CARMIL1: variants seen among roughly 807,000 people sequenced by gnomAD.
The protein encoded by CARMIL1 is capping protein regulator and myosin 1 linker 1, also known as F-actin-uncapping protein LRRC16A.
In CARMIL1, 90 loss-of-function variants were observed where a neutral mutation model predicts 177.1. The observed-to-expected ratio is 0.51, with a 90% CI of 0.43 to 0.61. The LOEUF is 0.61. Ranked by LOEUF, CARMIL1 falls within the 20% of genes least tolerant of loss-of-function variation. The pLI, the probability that CARMIL1 is intolerant of heterozygous loss-of-function variation, is 0.00. For synonymous variants in CARMIL1, 577 were observed against 606.2 expected, an observed-to-expected ratio of 0.95 and a Z score of 0.71; for missense variants, 1,380 against 1,667.0, an observed-to-expected ratio of 0.83 and a Z score of 3.00.
intron 17 of CARMIL1, among the ~76,000 whole-genome samples, chr6:25,506,429 C>T (rs761820413): frequency 6.6e-6 from 1 of 152,136 alleles, no homozygotes; most frequent in Non-Finnish European, 1.5e-5. Context: ...GCCTGTAATC[C>T]CAGCTACTTG....
At chr6:25,376,010 A>T (rs1169594063) in intron 2 of CARMIL1, among the ~76,000 whole-genome samples, 1 of 152,094 alleles carries the variant, frequency 6.6e-6, no homozygotes, top group Non-Finnish European at 1.5e-5. Flanking sequence ...CTTGGTTTGG[A>T]TCCATTGCAG....
At chr6:25,435,872 T>C (rs1797179815) in intron 5 of CARMIL1, among the ~76,000 whole-genome samples, 2 of 152,160 alleles carry the variant, frequency 1.3e-5, no homozygotes, top group Non-Finnish European at 2.9e-5. Flanking sequence ...ACAGTAACCT[T>C]TTTAATATAA....
chr6:25,503,317 G>A (rs1374145265), intron 17 of CARMIL1, among the ~76,000 whole-genome samples: 11 of 152,168 alleles, frequency 7.2e-5, no homozygotes, highest in Admixed American at 7.2e-4. Context: ...CACATGTTAT[G>A]TTGATGCATG....
At chr6:25,537,580 G>A (rs902114509) in intron 24 of CARMIL1, among the ~76,000 whole-genome samples, 7 of 152,276 alleles carry the variant, frequency 4.6e-5, no homozygotes, top group South Asian at 2.1e-4. Context: ...TTTGTTCTAC[G>A]TGCTGCATTT....
chr6:25,350,068 G>A (rs1787967202), intron 2 of CARMIL1, among the ~76,000 whole-genome samples: 1 of 152,070 alleles, frequency 6.6e-6, no homozygotes, highest in South Asian at 2.1e-4. Flanking sequence ...TGCCTCGGGG[G>A]ACCAGCACAG....
intron 2 of CARMIL1, among the ~76,000 whole-genome samples, chr6:25,419,879 A>G (rs1193526681): frequency 1.3e-5 from 2 of 152,144 alleles, no homozygotes; most frequent in Non-Finnish European, 2.9e-5. Context: ...CAGATTTCTC[A>G]TCTTGAGATT....
rs141899606 is a variant in CARMIL1 at position 25,420,782 on chromosome 6, T to C, written c.189+618T>C. On this transcript the variant is annotated intron_variant, in intron 3 of 36. Coordinates refer to ENST00000329474, the MANE Select transcript of CARMIL1 (RefSeq NM_017640.6). ...TCATTACTTGGTGCAGAATTCGAACTGATCGTTTGTGGATTAATCATAATA... is the reference window on the plus strand; with the variant it reads ...TCATTACTTGGTGCAGAATTCGAACCGATCGTTTGTGGATTAATCATAATA... Among the ~76,000 whole-genome samples, 478 of 152,354 alleles carry C rather than the reference T, an allele frequency of 3.1e-3. 2 individuals carry two copies. The highest frequency in any genetic ancestry group is 0.01 in the African/African-American group (425 of 41,590).
At chr6:25,513,055 A>T (rs1805613437) in intron 20 of CARMIL1, among the ~76,000 whole-genome samples, 2 of 152,198 alleles carry the variant, frequency 1.3e-5, no homozygotes, top group Admixed American at 1.3e-4. Context: ...TCTGCCTATT[A>T]TTTTTAAGTA....
At chr6:25,351,954 A>G (rs965699455) in intron 2 of CARMIL1, among the ~76,000 whole-genome samples, 1 of 152,130 alleles carries the variant, frequency 6.6e-6, no homozygotes, top group African/African-American at 2.4e-5. Flanking sequence ...GTGGTGTGAT[A>G]CTGGGTCTAT....
At chr6:25,506,342 T>G (rs2151035668) in intron 17 of CARMIL1, among the ~76,000 whole-genome samples, 1 of 152,146 alleles carries the variant, frequency 6.6e-6, no homozygotes, top group East Asian at 1.9e-4. Flanking sequence ...AGGTCAGGAG[T>G]TCAGGACCAG....
chr6:25,418,925 G>A (rs1055879124), intron 2 of CARMIL1, among the ~76,000 whole-genome samples: 2 of 152,154 alleles, frequency 1.3e-5, no homozygotes, highest in Non-Finnish European at 1.5e-5. Context: ...CTCATAAATA[G>A]TTCTGGCTTG....
At chr6:25,459,266 C>CTTTCTTTCTTTCTTTCTTTCTTTTT in intron 8 of CARMIL1, among the ~76,000 whole-genome samples, 1 of 73,766 alleles carries the variant, frequency 1.4e-5, no homozygotes, top group African/African-American at 4.9e-5. Context: ...TTCTTTCTTT[C>CTTTCTTTCTTTCTTTCTTTCTTTTT]TTTTTTTTTT....
At chr6:25,439,471 G>A (rs1797533725) in intron 5 of CARMIL1, among the ~76,000 whole-genome samples, 1 of 152,204 alleles carries the variant, frequency 6.6e-6, no homozygotes, top group African/African-American at 2.4e-5. Flanking sequence ...TAGAGGTCAG[G>A]TAAACTAGGA....
At chr6:25,450,984 C>T (rs1277218741) in intron 8 of CARMIL1, among the ~76,000 whole-genome samples, 94 of 6,184 alleles carry the variant, frequency 0.015, 13 homozygotes, top group East Asian at 0.034. Context: ...CTCCTCTCCC[C>T]CTCCCCTCTC....
chr6:25,566,488 T>A (rs1423926391), intron 29 of CARMIL1, among the ~76,000 whole-genome samples: 2 of 152,216 alleles, frequency 1.3e-5, no homozygotes, highest in African/African-American at 4.8e-5. Flanking sequence ...CTTCGTGCTG[T>A]TTAGGTCACA....
At chr6:25,486,435 A>G (rs1434585085) in intron 12 of CARMIL1, among the ~76,000 whole-genome samples, 1 of 152,094 alleles carries the variant, frequency 6.6e-6, no homozygotes, top group Non-Finnish European at 1.5e-5. Context: ...TTAGCCTTCT[A>G]TTTTGGGAAT....
At chr6:25,538,709 C>G (rs989417503) in intron 25 of CARMIL1, among the ~76,000 whole-genome samples, 7 of 152,126 alleles carry the variant, frequency 4.6e-5, no homozygotes, top group African/African-American at 1.7e-4. Flanking sequence ...TAAAAAGCCC[C>G]TCTCATCACA....
At chr6:25,614,135 AC>A (rs2151344196) in intron 36 of CARMIL1, among the ~76,000 whole-genome samples, 1 of 152,296 alleles carries the variant, frequency 6.6e-6, no homozygotes, top group South Asian at 2.1e-4. Flanking sequence ...AAACAAAAAA[AC>A]ATCTACCAAC....
At chr6:25,520,666 C>G (rs1806462683) in intron 23 of CARMIL1, among the ~76,000 whole-genome samples, 2 of 149,944 alleles carry the variant, frequency 1.3e-5, no homozygotes, top group African/African-American at 2.5e-5. Context: ...GCACAGCTTC[C>G]CTCCTCTTCA....
Sources: allele counts gnomAD v4.1 joint callset (sites outside exome capture counted in the v4.1 genomes callset), GRCh38; gene constraint gnomAD v4.1.1; transcripts MANE v1.5; gene names NCBI Gene and HGNC (gene_info 2026-07-23, HGNC 2026-07-21).